Variants in FARP1 observed in about 807,000 individuals in gnomAD.
FARP1 encodes FERM, ARH/RhoGEF and pleckstrin domain protein 1, also known as FERM, ARHGEF and pleckstrin domain-containing protein 1.
Under a neutral mutation model 128.8 loss-of-function variants are expected in FARP1, and 52 were observed. The observed-to-expected ratio is 0.40, with a 90% CI of 0.32 to 0.51. The LOEUF is 0.51. Ranked by LOEUF, FARP1 falls within the 20% of genes least tolerant of loss-of-function variation. FARP1 has a pLI of 0.45. For missense variants in FARP1, 1,333 were observed against 1,367.9 expected (o/e 0.97, Z 0.40); for synonymous variants, 580 against 551.8 (o/e 1.05, Z -0.72).
rs1340342476 is a variant in FARP1, at chr13:98,450,744, G to A, written c.*2427G>A. On this transcript the variant is annotated 3_prime_UTR_variant, in exon 27 of 27. Coordinates refer to ENST00000319562, the MANE Select transcript of FARP1 (RefSeq NM_005766.4). The stretch of plus-strand genomic sequence containing the variant: ...TGGCTACAGACCAGCAGCAGTTGAC[G>A]CTGAGGCAGGTTCCAGTGGTAGCCC... 2 of 152,278 alleles carry A rather than the reference G, an allele frequency of 1.3e-5. No individual in the cohort carries two copies. Among genetic ancestry groups the A allele is most frequent in the Non-Finnish European group, 2.9e-5 (2 of 68,082 alleles). The allele number at this position is 152,278 out of a possible 1,614,324, so 9.4% of individuals were successfully genotyped here. A position where few individuals can be genotyped will look rare whatever the true frequency, so the allele number is the denominator to read the frequency against.
At chr13:98,362,607 G>T (rs528492441) in intron 3 of FARP1, among the ~76,000 whole-genome samples, 2 of 152,254 alleles carry the variant, frequency 1.3e-5, no homozygotes, top group Admixed American at 1.3e-4. Flanking sequence ...TAGACTCTAC[G>T]CTGGCCGTCT....
At chr13:98,392,588 C>A (rs1326586153) in intron 11 of FARP1, among the ~76,000 whole-genome samples, 3 of 151,798 alleles carry the variant, frequency 2.0e-5, no homozygotes, top group Non-Finnish European at 4.4e-5. Flanking sequence ...CTGCATCTTG[C>A]TTTTTTAATA....
intron 2 of FARP1, among the ~76,000 whole-genome samples, chr13:98,267,693 T>C (rs149561169): frequency 6.6e-6 from 1 of 152,252 alleles, no homozygotes; most frequent in Non-Finnish European, 1.5e-5. Flanking sequence ...AGACAGTGTA[T>C]GTCCCCTCAC....
At chr13:98,194,115 A>T (rs1483066057) in intron 1 of FARP1, among the ~76,000 whole-genome samples, 7 of 151,380 alleles carry the variant, frequency 4.6e-5, no homozygotes, top group East Asian at 3.9e-4. Context: ...TTTTCTATTT[A>T]TTATTATTAT....
rs1052557309 is a variant in FARP1 at position 98,451,586 on chromosome 13, C to T, written c.*3269C>T. On this transcript the variant is annotated 3_prime_UTR_variant, in exon 27 of 27. Transcript: ENST00000319562. ...TCTGTAGCTCAGGGCTCTGTCCCCT[C>T]CCTATAGCTTAGAGGCCACTAGACC... 7 of 152,172 alleles carry T rather than the reference C, an allele frequency of 4.6e-5. No homozygotes were observed. The highest frequency in any genetic ancestry group is 1.4e-4 in the African/African-American group (6 of 41,428). The allele number at this position is 152,172 out of a possible 1,614,324, so 9.4% of individuals were successfully genotyped here.
chr13:98,312,655 GT>G (rs943375601), intron 2 of FARP1, among the ~76,000 whole-genome samples: 1 of 152,158 alleles, frequency 6.6e-6, no homozygotes, highest in African/African-American at 2.4e-5. Context: ...GGGCAGAGCT[GT>G]TTTTTAAAAC....
chr13:98,365,686 TG>T (rs1889052388), intron 4 of FARP1, among the ~76,000 whole-genome samples: 1 of 152,242 alleles, frequency 6.6e-6, no homozygotes, highest in African/African-American at 2.4e-5. Flanking sequence ...AACTGAAGCC[TG>T]CTATTATCTT....
chr13:98,424,455 C>G (rs1355006960), intron 16 of FARP1, 117 bp from the exon 17 acceptor site: 5 of 712,256 alleles, frequency 7.0e-6, no homozygotes, highest in East Asian at 2.6e-5. Context: ...ATAAGAAGTT[C>G]AGGAGATGTC....
At chr13:98,271,517 G>C (rs1884389742) in intron 2 of FARP1, among the ~76,000 whole-genome samples, 1 of 152,112 alleles carries the variant, frequency 6.6e-6, no homozygotes, top group Non-Finnish European at 1.5e-5. Context: ...TAGGTTTTAA[G>C]CCCCACATGC....
chr13:98,274,273 G>GC (rs1884531653), intron 2 of FARP1, among the ~76,000 whole-genome samples: 1 of 152,130 alleles, frequency 6.6e-6, no homozygotes, highest in African/African-American at 2.4e-5. Context: ...TTCCCTGGAG[G>GC]CTTTGTTGGC....
At chr13:98,351,528 C>T (rs867361418) in intron 3 of FARP1, among the ~76,000 whole-genome samples, 76 of 150,684 alleles carry the variant, frequency 5.0e-4, no homozygotes, top group African/African-American at 1.6e-3. Flanking sequence ...AGGAGAATGG[C>T]GTGAACCCGG....
intron 1 of FARP1, among the ~76,000 whole-genome samples, chr13:98,200,690 T>C (rs1333639367): frequency 6.6e-6 from 1 of 152,076 alleles, no homozygotes; most frequent in East Asian, 1.9e-4. Context: ...CGGGACTCCC[T>C]TGGAAAAGGC....
At chr13:98,284,769 G>T (rs530349829) in intron 2 of FARP1, among the ~76,000 whole-genome samples, 4 of 152,296 alleles carry the variant, frequency 2.6e-5, no homozygotes, top group African/African-American at 9.6e-5. Context: ...GAGGATCTCA[G>T]TCTGCCTCAG....
intron 5 of FARP1, among the ~76,000 whole-genome samples, chr13:98,372,371 C>T (rs761085513): frequency 9.9e-5 from 15 of 152,122 alleles, no homozygotes; most frequent in Non-Finnish European, 1.9e-4. Context: ...AGGCCTGAGT[C>T]GCTGCACCCT....
intron 2 of FARP1, among the ~76,000 whole-genome samples, chr13:98,256,948 GATATATATATATATAT>G (rs56701739): frequency 0.045 from 3,450 of 77,102 alleles, 247 homozygotes; most frequent in African/African-American, 0.1. Context: ...TATATATGTG[GATATATATATATATAT>G]ATATATATAT....
rs572091622 is a variant in FARP1 at position 98,450,852 on chromosome 13, A to G, written c.*2535A>G. On this transcript the variant is annotated 3_prime_UTR_variant, in exon 27 of 27. Coordinates refer to ENST00000319562, the MANE Select transcript of FARP1 (RefSeq NM_005766.4). ...CCTTGGCTAAGATGCCCTTAAAAAC[A>G]TTGGGGCTGATTTTGTGCGTCTACA... 1.3e-5 allele frequency: 2 copies of G among 152,248 alleles called. No individual in the cohort carries two copies. Among genetic ancestry groups the G allele is most frequent in the Non-Finnish European group, 2.9e-5 (2 of 68,054 alleles). The allele number at this position is 152,248 out of a possible 1,614,324, so 9.4% of individuals were successfully genotyped here.
Position 98,238,537 on chromosome 13 carries a change from T to C in FARP1, c.171+25124T>C, listed in dbSNP as rs189490918. ...GCAGTTCCACATGGGTGGGGAGGCC[T>C]CACAATCATGGCAGAAGGCAAAGGA... On this transcript the variant is annotated intron_variant, in intron 2 of 26. Transcript: ENST00000319562. Among the ~76,000 whole-genome samples the C allele has an allele frequency of 1.2e-4, 19 of 152,232 alleles. No individual in the cohort carries two copies. In the East Asian group the frequency reaches 3.7e-3, roughly 29 times the overall value.
intron 3 of FARP1, among the ~76,000 whole-genome samples, chr13:98,350,510 A>G (rs553957588): frequency 6.6e-6 from 1 of 152,202 alleles, no homozygotes; most frequent in South Asian, 2.1e-4. Context: ...ACTGCGGTCC[A>G]AACTTGACAT....
intron 2 of FARP1, among the ~76,000 whole-genome samples, chr13:98,251,776 A>G (rs1364237592): frequency 1.3e-5 from 2 of 152,192 alleles, no homozygotes; most frequent in Admixed American, 1.3e-4. Flanking sequence ...GCATCACGCA[A>G]TTTGATAAAG....
Sources: allele counts gnomAD v4.1 joint callset (sites outside exome capture counted in the v4.1 genomes callset), GRCh38; gene constraint gnomAD v4.1.1; transcripts MANE v1.5; gene names NCBI Gene and HGNC (gene_info 2026-07-23, HGNC 2026-07-21).